Variants in ROR1 observed in about 807,000 individuals in gnomAD.
ROR1 encodes ROR family WNT receptor 1.
ROR1 carries 19 observed loss-of-function variants against 78.8 expected under a neutral mutation model. The ratio of observed to expected loss-of-function variants is 0.24; its 90% CI spans 0.17 to 0.35. The LOEUF (loss-of-function observed/expected upper bound fraction) is 0.35, where lower values mean the gene tolerates loss of function less well. ROR1 is among the 10% of genes least tolerant of loss of function. The pLI is 1.00. For synonymous variants in ROR1, 386 were observed against 433.6 expected (o/e 0.89, Z 1.36); for missense variants, 917 against 1,177.8 (o/e 0.78, Z 3.24).
chr1:63,989,264 A>C (rs1416309064), intron 1 of ROR1, among the ~76,000 whole-genome samples: 1 of 151,404 alleles, frequency 6.6e-6, no homozygotes, highest in East Asian at 1.9e-4. Flanking sequence ...AATTTGAACA[A>C]ATTATTTATT....
intron 1 of ROR1, among the ~76,000 whole-genome samples, chr1:63,902,324 C>CT (rs1181122303): frequency 2.0e-3 from 288 of 147,484 alleles, no homozygotes; most frequent in Middle Eastern, 3.5e-3. Flanking sequence ...AATAACAGAC[C>CT]TTTTTTTTTT....
chr1:63,898,256 C>A (rs1044845988), intron 1 of ROR1, among the ~76,000 whole-genome samples: 1 of 152,080 alleles, frequency 6.6e-6, no homozygotes, highest in Non-Finnish European at 1.5e-5. Context: ...TTATTCAATT[C>A]TGTTATCCCT....
intron 1 of ROR1, among the ~76,000 whole-genome samples, chr1:63,975,151 G>A (rs17125903): frequency 3.3e-5 from 5 of 152,130 alleles, no homozygotes; most frequent in African/African-American, 9.7e-5. Flanking sequence ...ATCTTCTCAC[G>A]TTCTTTGGAG....
intron 4 of ROR1, among the ~76,000 whole-genome samples, chr1:64,070,264 A>C (rs1463220391): frequency 2.0e-5 from 3 of 152,208 alleles, no homozygotes; most frequent in Admixed American, 1.3e-4. Context: ...CTGGCATAGC[A>C]ATGAGGCCTG....
At chr1:64,151,957 A>C (rs543772082) in intron 7 of ROR1, among the ~76,000 whole-genome samples, 1 of 152,036 alleles carries the variant, frequency 6.6e-6, no homozygotes, top group South Asian at 2.1e-4. Flanking sequence ...GAACCTTGGG[A>C]GCAACCATAG....
intron 1 of ROR1, among the ~76,000 whole-genome samples, chr1:63,891,651 A>T (rs534005349): frequency 4.6e-5 from 7 of 152,290 alleles, no homozygotes; most frequent in African/African-American, 1.4e-4. Flanking sequence ...TCAGATATTC[A>T]TGCCTCGAGT....
At chr1:64,098,526 G>A (rs1375477358) in intron 4 of ROR1, among the ~76,000 whole-genome samples, 2 of 152,168 alleles carry the variant, frequency 1.3e-5, no homozygotes, top group Non-Finnish European at 2.9e-5. Flanking sequence ...ACAAACTAGG[G>A]CTCCAGTGCA....
chr1:63,868,469 A>C (rs1645230740), intron 1 of ROR1, among the ~76,000 whole-genome samples: 1 of 152,238 alleles, frequency 6.6e-6, no homozygotes, highest in African/African-American at 2.4e-5. Flanking sequence ...ACCTGGGATC[A>C]AATTCAGGCT....
intron 4 of ROR1, among the ~76,000 whole-genome samples, chr1:64,053,415 A>G (rs1569637256): frequency 6.6e-6 from 1 of 152,212 alleles, no homozygotes; most frequent in East Asian, 1.9e-4. Context: ...TTTCAGAATG[A>G]TATTTTAGTT....
chr1:64,051,458 AAAATAAAATAAAAT>A (rs1398798507), intron 4 of ROR1, among the ~76,000 whole-genome samples: 29 of 21,606 alleles, frequency 1.3e-3, no homozygotes, highest in African/African-American at 2.3e-3. Context: ...TCAAAAATAA[AAAATAAAATAAAAT>A]AAAATAAAAT....
intron 1 of ROR1, among the ~76,000 whole-genome samples, chr1:63,886,363 T>G (rs931847672): frequency 7.9e-5 from 12 of 152,114 alleles, no homozygotes; most frequent in African/African-American, 2.9e-4. Context: ...TTTTGGAAAA[T>G]GAGGTGGTTG....
intron 1 of ROR1, among the ~76,000 whole-genome samples, chr1:63,813,400 T>G (rs1167265551): frequency 6.6e-6 from 1 of 152,210 alleles, no homozygotes; most frequent in African/African-American, 2.4e-5. Flanking sequence ...TCAATAAATA[T>G]TGATTGAATG....
Position 63,873,722 on chromosome 1 carries a change from G to C in ROR1, c.91+99214G>C, listed in dbSNP as rs1487636200. The stretch of plus-strand genomic sequence containing the variant: ...TATGTTTTTTTTCCAAGTAATACAT[G>C]GTTCAAGAAAAAAGAAATTTTAAAA... On this transcript the variant is annotated intron_variant, in intron 1 of 8. Transcript: ENST00000371079. 2.7e-5 allele frequency among the ~76,000 whole-genome samples: 4 copies of C among 148,476 alleles called. No homozygotes were observed. The Middle Eastern group carries it at 0.014, about 508-fold the overall frequency.
At chr1:64,140,918 A>G (rs1649291528) in intron 6 of ROR1, among the ~76,000 whole-genome samples, 1 of 152,206 alleles carries the variant, frequency 6.6e-6, no homozygotes, top group Non-Finnish European at 1.5e-5. Flanking sequence ...AACCTGGAAA[A>G]CATTATACTA....
At chr1:63,897,062 C>G (rs1019015774) in intron 1 of ROR1, among the ~76,000 whole-genome samples, 2 of 152,128 alleles carry the variant, frequency 1.3e-5, no homozygotes, top group Non-Finnish European at 2.9e-5. Context: ...GTAAAATTTT[C>G]CTGGCTATTC....
intron 1 of ROR1, among the ~76,000 whole-genome samples, chr1:63,898,215 C>T (rs1645456003): frequency 6.6e-6 from 1 of 152,138 alleles, no homozygotes; most frequent in African/African-American, 2.4e-5. Flanking sequence ...CTTTCATGAC[C>T]TGTGAGCTCC....
At chr1:63,904,437 T>C (rs1480631218) in intron 1 of ROR1, among the ~76,000 whole-genome samples, 1 of 152,192 alleles carries the variant, frequency 6.6e-6, no homozygotes, top group Non-Finnish European at 1.5e-5. Context: ...CTGTGCTTCA[T>C]AGACCTGGCA....
At chr1:64,015,798 A>G (rs1646516330) in intron 2 of ROR1, among the ~76,000 whole-genome samples, 1 of 152,114 alleles carries the variant, frequency 6.6e-6, no homozygotes, top group African/African-American at 2.4e-5. Flanking sequence ...GTCGTAAGCA[A>G]CATCTTTCTA....
intron 4 of ROR1, among the ~76,000 whole-genome samples, chr1:64,057,829 T>G (rs1646887365): frequency 6.6e-6 from 1 of 152,226 alleles, no homozygotes; most frequent in African/African-American, 2.4e-5. Flanking sequence ...CTGAGTGCTT[T>G]GCATTTCCAT....
Sources: allele counts gnomAD v4.1 joint callset (sites outside exome capture counted in the v4.1 genomes callset), GRCh38; gene constraint gnomAD v4.1.1; transcripts MANE v1.5; gene names NCBI Gene and HGNC (gene_info 2026-07-23, HGNC 2026-07-21).